Variants in DLGAP2 observed in about 807,000 individuals in gnomAD.
The protein encoded by DLGAP2 is DLG associated protein 2, also known as disks large-associated protein 2.
In DLGAP2, 26 loss-of-function variants were observed where a neutral mutation model predicts 100.3. That is an observed-to-expected ratio of 0.26 (90% confidence interval 0.19 to 0.36). The LOEUF (loss-of-function observed/expected upper bound fraction) is 0.36. Among genes scored for constraint, DLGAP2 ranks in the 10% least tolerant of loss-of-function variants. The pLI is 1.00. For missense variants in DLGAP2, 1,858 were observed against 1,453.2 expected, an observed-to-expected ratio of 1.28 and a Z score of -4.53; for synonymous variants, 886 against 630.1, an observed-to-expected ratio of 1.41 and a Z score of -6.08.
chr8:1,140,982 C>G (rs1015601002), intron 2 of DLGAP2, among the ~76,000 whole-genome samples: 15 of 152,174 alleles, frequency 9.9e-5, no homozygotes, highest in Admixed American at 4.6e-4. Context: ...GACTCTGTCT[C>G]AAAAATAGAT....
chr8:1,505,017 G>A (rs1021753283), intron 4 of DLGAP2, among the ~76,000 whole-genome samples: 3 of 152,186 alleles, frequency 2.0e-5, no homozygotes, highest in Non-Finnish European at 2.9e-5. Flanking sequence ...AAGGAAGGAA[G>A]AAGGAAGGAA....
At chr8:1,667,938 G>A (rs1396184906) in intron 8 of DLGAP2, among the ~76,000 whole-genome samples, 1 of 151,964 alleles carries the variant, frequency 6.6e-6, no homozygotes, top group East Asian at 1.9e-4. Flanking sequence ...TTGCCTAGGT[G>A]TGTCTCCGCT....
chr8:1,314,992 G>A (rs138303068), intron 3 of DLGAP2, among the ~76,000 whole-genome samples: 94 of 152,332 alleles, frequency 6.2e-4, no homozygotes, highest in Non-Finnish European at 9.7e-4. Flanking sequence ...CTAAGCCGCC[G>A]TTGCGTGTTT....
intron 3 of DLGAP2, among the ~76,000 whole-genome samples, chr8:1,324,763 C>T (rs1800982486): frequency 6.6e-6 from 1 of 152,204 alleles, no homozygotes; most frequent in South Asian, 2.1e-4. Flanking sequence ...CTTCCATGTT[C>T]CTGTCTTTCT....
At chr8:1,686,537 G>A (rs765601873) in intron 12 of DLGAP2, among the ~76,000 whole-genome samples, 8 of 152,070 alleles carry the variant, frequency 5.3e-5, no homozygotes, top group South Asian at 2.1e-4. Flanking sequence ...GCATGGTGGC[G>A]CACGCCTGTA....
At chr8:822,825 C>G (rs7460689) in intron 1 of DLGAP2, among the ~76,000 whole-genome samples, 16,097 of 152,216 alleles carry the variant, frequency 0.11, 1,417 homozygotes, top group East Asian at 0.52. Flanking sequence ...GTGACCACTG[C>G]TGGGTGCTTC....
chr8:1,218,176 G>A (rs968488883), intron 2 of DLGAP2, among the ~76,000 whole-genome samples: 6 of 152,158 alleles, frequency 3.9e-5, no homozygotes, highest in African/African-American at 1.2e-4. Context: ...ACTATGTTCA[G>A]AATGGTATTT....
At chr8:1,686,691 C>T (rs1799123681) in intron 12 of DLGAP2, among the ~76,000 whole-genome samples, 1 of 151,564 alleles carries the variant, frequency 6.6e-6, no homozygotes. Context: ...AAAAGCAGAG[C>T]TCATGAAGGT....
chr8:997,545 C>T (rs1234451854), intron 2 of DLGAP2, among the ~76,000 whole-genome samples: 1 of 152,082 alleles, frequency 6.6e-6, no homozygotes, highest in Non-Finnish European at 1.5e-5. Context: ...CTTCATTAAA[C>T]GGGATGATAC....
intron 3 of DLGAP2, among the ~76,000 whole-genome samples, chr8:1,273,094 C>T (rs183914001): frequency 6.6e-6 from 1 of 152,208 alleles, no homozygotes; most frequent in East Asian, 1.9e-4. Context: ...TACCTCAGGC[C>T]CATTCTTATG....
At chr8:1,409,832 C>G (rs767531802) in intron 3 of DLGAP2, among the ~76,000 whole-genome samples, 3 of 152,200 alleles carry the variant, frequency 2.0e-5, no homozygotes, top group Non-Finnish European at 4.4e-5. Flanking sequence ...CCTTCAGGCT[C>G]TGAGGCTTTC....
chr8:1,357,662 T>G (rs1801886470), intron 3 of DLGAP2, among the ~76,000 whole-genome samples: 1 of 152,212 alleles, frequency 6.6e-6, no homozygotes, highest in African/African-American at 2.4e-5. Flanking sequence ...TAAACCTTTT[T>G]GTCTCTGACG....
intron 6 of DLGAP2, among the ~76,000 whole-genome samples, chr8:1,575,199 T>A (rs915412849): frequency 5.9e-5 from 9 of 152,196 alleles, no homozygotes; most frequent in African/African-American, 2.2e-4. Context: ...AGGTTGACTC[T>A]GTGACTTGGC....
Position 990,300 on chromosome 8 carries a change from A to G in DLGAP2, c.73+82334A>G, listed in dbSNP as rs1210330532. On this transcript the variant is annotated intron_variant, in intron 2 of 14. Transcript: ENST00000637795. ...ATCGACCTTCTGAAGTTTTCTATGA[A>G]AGTGGCCCAGACCCCCTGCACCCCC... 1.2e-4 allele frequency among the ~76,000 whole-genome samples: 18 copies of G among 149,910 alleles called. 1 individual carries two copies. The highest frequency in any genetic ancestry group is 1.5e-5 in the Non-Finnish European group (1 of 67,680).
intron 2 of DLGAP2, among the ~76,000 whole-genome samples, chr8:1,256,559 T>TA (rs1799224697): frequency 1.0e-5 from 1 of 96,122 alleles, no homozygotes; most frequent in African/African-American, 4.9e-5. Context: ...TGTGTGTCCT[T>TA]TCCTGCCCGG....
intron 2 of DLGAP2, among the ~76,000 whole-genome samples, chr8:1,050,665 C>G (rs1802651767): frequency 6.6e-6 from 1 of 152,228 alleles, no homozygotes; most frequent in Admixed American, 6.5e-5. Flanking sequence ...CCAACCCAGT[C>G]TCCTCATCTT....
At position 965,392 on chromosome 8, in the gene DLGAP2, T is replaced by C. The variant is rs7001260; in HGVS notation, c.73+57426T>C. Among the ~76,000 whole-genome samples the C allele has an allele frequency of 8.3e-4, 40 of 48,242 alleles. 2 individuals carry two copies. The highest frequency in any genetic ancestry group is 1.1e-3 in the Non-Finnish European group (29 of 27,552). The allele number at this position is 48,242 out of a possible 152,430, so 31.6% of individuals were successfully genotyped here. ...CCTGCGCTGTACACGGCACTGTTCATCACACACGCGGCTCCAGAGCCCGAC... is the reference window on the plus strand; with the variant it reads ...CCTGCGCTGTACACGGCACTGTTCACCACACACGCGGCTCCAGAGCCCGAC... On this transcript the variant is annotated intron_variant, in intron 2 of 14. Coordinates refer to ENST00000637795, the MANE Select transcript of DLGAP2 (RefSeq NM_001346810.2).
intron 2 of DLGAP2, among the ~76,000 whole-genome samples, chr8:1,127,032 C>G (rs557738623): frequency 2.0e-5 from 3 of 150,022 alleles, no homozygotes; most frequent in South Asian, 2.1e-4. Flanking sequence ...TGTCCCCAGC[C>G]CAGCTCTTAA....
At chr8:1,653,893 C>T (rs1014964257) in intron 8 of DLGAP2, among the ~76,000 whole-genome samples, 7 of 152,260 alleles carry the variant, frequency 4.6e-5, no homozygotes, top group South Asian at 2.1e-4. Flanking sequence ...AGAGGTAACA[C>T]GGTCTTAACT....
Sources: gnomAD v4.1 joint callset for allele counts (sites outside exome capture counted in the v4.1 genomes callset) on GRCh38, gnomAD v4.1.1 for gene constraint, MANE v1.5 for transcripts, NCBI Gene and HGNC (gene_info 2026-07-23, HGNC 2026-07-21) for gene names.